Variants in HEATR4 observed in about 807,000 individuals in gnomAD.
HEATR4 encodes HEAT repeat containing 4, also known as HEAT repeat-containing protein 4.
HEATR4 carries 95 observed loss-of-function variants against 108.8 expected under a neutral mutation model. The observed-to-expected ratio is 0.87, with a 90% CI of 0.74 to 1.04. The LOEUF is 1.04. Among genes scored for constraint, HEATR4 ranks in the 50% least tolerant of loss-of-function variants. The pLI is 0.00. For missense variants in HEATR4, 1,152 were observed against 1,253.8 expected (o/e 0.92, Z 1.23); for synonymous variants, 443 against 459.4 (o/e 0.96, Z 0.46).
the HEATR4 span, chr14:73,616,931 T>A: frequency 1.7e-6 from 1 of 589,128 alleles, no homozygotes. Context: ...CTTCAAAAAC[T>A]TGTTTGCTTA....
intron 17 of HEATR4, among the ~76,000 whole-genome samples, chr14:73,487,127 A>T (rs1256383982): frequency 1.3e-5 from 2 of 148,148 alleles, no homozygotes; most frequent in Non-Finnish European, 3.0e-5. Context: ...ATAATAATTA[A>T]AAAAAGAATG....
chr14:73,584,009 AAAC>A, the HEATR4 span, among the ~76,000 whole-genome samples: 6 of 151,956 alleles, frequency 3.9e-5, no homozygotes, highest in Non-Finnish European at 8.8e-5. Flanking sequence ...CTAAAAAAAA[AAAC>A]AGACAAAATG....
At position 73,523,014 on chromosome 14, in the gene HEATR4, G is replaced by C; in HGVS notation, c.139C>G (p.Pro47Ala). The C allele has an allele frequency of 1.2e-6, 2 of 1,614,184 alleles. No homozygotes were observed. Among genetic ancestry groups the C allele is most frequent in the Non-Finnish European group, 1.7e-6 (2 of 1,180,040 alleles). ...KEECASVSSVPMVFFSSQYRL... is the reference protein window; with the variant it reads ...KEECASVSSVAMVFFSSQYRL... ...TACTGTGAGCTGAAGAAGACCATAG[G>C]CACACTGGAGACAGAGGCACACTCC... The change falls in exon 3 of 18, where the codon CCT (proline) becomes GCT (alanine). Residue 47 changes from proline to alanine, a missense_variant. Transcript: ENST00000553558.
chr14:73,502,012 T>C (rs1886499653), intron 11 of HEATR4, among the ~76,000 whole-genome samples: 1 of 151,182 alleles, frequency 6.6e-6, no homozygotes, highest in Non-Finnish European at 1.5e-5. Context: ...CCCAAAGTGC[T>C]GGGATTACAG....
At position 73,539,034 on chromosome 14, in the gene HEATR4, T is replaced by C. The variant is rs1447841795; in HGVS notation, c.-151-8790A>G. 3.5e-5 allele frequency among the ~76,000 whole-genome samples: 4 copies of C among 115,848 alleles called. 2 individuals are homozygous for C. The East Asian group carries it at 2.7e-3, about 78-fold the overall frequency. The allele number at this position is 115,848 out of a possible 152,430, so 76.0% of individuals were successfully genotyped here. ...AATTTTCAAGTAGTTTCAATGTTCTTATTTATGTATGGACCAGGAAGTCAC... is the reference window on the plus strand; with the variant it reads ...AATTTTCAAGTAGTTTCAATGTTCTCATTTATGTATGGACCAGGAAGTCAC... On this transcript the variant is annotated intron_variant, in intron 1 of 17. Coordinates refer to ENST00000553558, the MANE Select transcript of HEATR4 (RefSeq NM_001220484.1).
the HEATR4 span, chr14:73,569,111 G>A: frequency 1.8e-6 from 2 of 1,102,392 alleles, no homozygotes; most frequent in East Asian, 2.4e-5. Context: ...TTCAACACAG[G>A]AGACTTTAAG....
rs953914577 is a variant in HEATR4, at chr14:73,521,188, C to T, written c.882-149G>A. 4.3e-6 allele frequency: 3 copies of T among 701,216 alleles called. No individual in the cohort carries two copies. The Admixed American group carries it at 8.5e-5, about 20-fold the overall frequency. 43.4% of individuals were successfully genotyped at this position (701,216 alleles called of 1,614,324 possible). On this transcript the variant is annotated intron_variant, in intron 3 of 17. Transcript: ENST00000553558. ...AGAACACCAATGTTTAACTTTTAGC[C>T]TTGTCCCCATGGTGCCAGTTGAATG... is the stretch of plus-strand genomic sequence containing the variant.
chr14:73,498,341 A>G lies in HEATR4; in HGVS notation c.2360T>C (p.Leu787Ser). ...WKIKAFAIRA[L>S]GQIGQVSPEL... The stretch of plus-strand genomic sequence containing the variant: ...GGGACTTACTTGCCCAATCTGTCCC[A>G]AAGCTGCAGAGATTAGAGGGCAGCA... The change falls in exon 14 of 18, where the codon TTG (leucine) becomes TCG (serine). Residue 787 changes from leucine (L) to serine (S), a missense_variant. Coordinates refer to ENST00000553558, the MANE Select transcript of HEATR4 (RefSeq NM_001220484.1). The G allele has an allele frequency of 6.3e-7, 1 of 1,594,290 alleles. No homozygotes were observed. The highest frequency in any genetic ancestry group is 2.3e-5 in the East Asian group (1 of 44,318).
intron 1 of HEATR4, among the ~76,000 whole-genome samples, chr14:73,532,228 T>A (rs1888728078): frequency 8.7e-6 from 1 of 114,342 alleles, no homozygotes; most frequent in African/African-American, 2.8e-5. Context: ...CCCTTTCAGC[T>A]CCTCCACTGC....
intron 17 of HEATR4, among the ~76,000 whole-genome samples, chr14:73,483,729 G>A (rs1202780242): frequency 6.6e-6 from 1 of 151,896 alleles, no homozygotes; most frequent in African/African-American, 2.4e-5. Context: ...AACTGTTATG[G>A]CATTTAGATT....
Position 73,522,696 on chromosome 14 carries a change from G to C in HEATR4, c.457C>G (p.Pro153Ala). The C allele has an allele frequency of 6.2e-7, 1 of 1,614,218 alleles. No individual in the cohort carries two copies. Residue 153 changes from proline to alanine, a missense_variant, in exon 3 of 18, where the codon CCA (proline) becomes GCA (alanine). Transcript: ENST00000553558. ...GGTGCTTCCCGGACGGTGCTGGCTG[G>C]CTTTGATTTCTTCAGCTTCTTTTCG... ...NPEKKLKKSKPASTVREAPRP... is the reference protein window; with the variant it reads ...NPEKKLKKSKAASTVREAPRP...
intron 17 of HEATR4, chr14:73,490,886 A>T: frequency 1.0e-6 from 1 of 959,752 alleles, no homozygotes; most frequent in Non-Finnish European, 1.4e-6. Context: ...TAGAAGAATG[A>T]TGGGCGTGGC....
intron 17 of HEATR4, among the ~76,000 whole-genome samples, chr14:73,487,897 G>T (rs1352108525): frequency 6.6e-6 from 1 of 152,140 alleles, no homozygotes; most frequent in Non-Finnish European, 1.5e-5. Flanking sequence ...ACATATAAAG[G>T]ATGATATAGG....
At chr14:73,480,589 AAAGT>A (rs1555386931) in intron 17 of HEATR4, among the ~76,000 whole-genome samples, 1 of 152,162 alleles carries the variant, frequency 6.6e-6, no homozygotes, top group Non-Finnish European at 1.5e-5. Flanking sequence ...GTCATGATAC[AAAGT>A]AAGTCTGACC....
the HEATR4 span, among the ~76,000 whole-genome samples, chr14:73,604,164 C>CTTT: frequency 1.6e-4 from 19 of 120,784 alleles, 3 homozygotes; most frequent in African/African-American, 2.6e-4. Context: ...TTGCTAATTT[C>CTTT]TTTTTTTTTT....
intron 3 of HEATR4, among the ~76,000 whole-genome samples, chr14:73,521,384 T>C (rs1222024117): frequency 6.6e-6 from 1 of 152,128 alleles, no homozygotes; most frequent in Non-Finnish European, 1.5e-5. Flanking sequence ...CCCACCTCCT[T>C]CGTCATCTCA....
the HEATR4 span, among the ~76,000 whole-genome samples, chr14:73,618,069 G>A: frequency 6.6e-6 from 1 of 152,112 alleles, no homozygotes; most frequent in South Asian, 2.1e-4. Flanking sequence ...CTCGAACTCA[G>A]GAGGCAGAGG....
chr14:73,535,771 G>A lies in HEATR4; in HGVS notation c.-151-5527C>T, dbSNP rs1232733455. ...TGGGATTACAGGCGCGAGCCACCGC[G>A]CCTGGCCCCTTTTTCTTGTTAGAGA... is the stretch of plus-strand genomic sequence containing the variant. On this transcript the variant is annotated intron_variant, in intron 1 of 17. Coordinates refer to ENST00000553558, the MANE Select transcript of HEATR4 (RefSeq NM_001220484.1). Among the ~76,000 whole-genome samples the A allele has an allele frequency of 3.5e-5, 4 of 114,338 alleles. 1 individual carries two copies. Among genetic ancestry groups the A allele is most frequent in the African/African-American group, 1.1e-4 (4 of 35,232 alleles). The allele number at this position is 114,338 out of a possible 152,430, so 75.0% of individuals were successfully genotyped here. A position where few individuals can be genotyped will look rare whatever the true frequency, so the allele number is the denominator to read the frequency against.
In HEATR4 at chr14:73,541,794, C is replaced by T; in HGVS notation, c.-151-11550G>A. On this transcript the variant is annotated intron_variant, in intron 1 of 17. Transcript: ENST00000553558. ...GTTAGCTCATTCATGACAGCCATTC[C>T]CTACCCCAACACACACTACCTTTTT... 2 of 776,090 alleles carry T rather than the reference C, an allele frequency of 2.6e-6. 1 individual carries two copies. Among genetic ancestry groups the T allele is most frequent in the Non-Finnish European group, 3.9e-6 (2 of 516,096 alleles). 48.1% of individuals were successfully genotyped at this position (776,090 alleles called of 1,614,324 possible).
Sources: gnomAD v4.1 joint callset for allele counts (sites outside exome capture counted in the v4.1 genomes callset) on GRCh38, gnomAD v4.1.1 for gene constraint, MANE v1.5 for transcripts, NCBI Gene and HGNC (gene_info 2026-07-23, HGNC 2026-07-21) for gene names.